Variants in NSMCE2 observed in about 807,000 individuals in gnomAD.
NSMCE2 encodes the protein NSE2 SUMO ligase component of SMC5/6 complex, also known as E3 SUMO-protein ligase NSE2.
A neutral mutation model predicts 23.8 loss-of-function variants in NSMCE2; 24 were observed. That is an observed-to-expected ratio of 1.01 (90% CI 0.73 to 1.42). The LOEUF (loss-of-function observed/expected upper bound fraction) is 1.42, where lower values mean the gene tolerates loss of function less well. NSMCE2 is among the 40% of genes most tolerant of loss of function. The probability of loss-of-function intolerance (pLI) is 0.00; values close to 1 mark genes in which losing one functional copy is unlikely to be tolerated. For missense variants in NSMCE2, 284 were observed against 296.5 expected (o/e 0.96, Z 0.31); for synonymous variants, 92 against 94.1 (o/e 0.98, Z 0.13).
rs182048746 is a variant in NSMCE2, at chr8:125,226,469, C to T, written c.418+44213C>T. ...CAGAAAGCGGAGAGGTGTACAGCTGCTCTTCTTGCACTGTACCCCTCATAT... is the reference window on the plus strand; with the variant it reads ...CAGAAAGCGGAGAGGTGTACAGCTGTTCTTCTTGCACTGTACCCCTCATAT... On this transcript the variant is annotated intron_variant, in intron 5 of 7. Coordinates refer to ENST00000287437, the MANE Select transcript of NSMCE2 (RefSeq NM_173685.4). 1.7e-3 allele frequency among the ~76,000 whole-genome samples: 253 copies of T among 152,150 alleles called. 6 individuals carry two copies. The highest frequency in any genetic ancestry group is 3.2e-4 in the Non-Finnish European group (22 of 67,986).
intron 5 of NSMCE2, among the ~76,000 whole-genome samples, chr8:125,276,189 A>G (rs189583630): frequency 1.3e-5 from 2 of 152,338 alleles, no homozygotes; most frequent in East Asian, 1.9e-4. Context: ...CAGCCCCTGT[A>G]CTGCCCAGGG....
At chr8:125,182,381 G>A in intron 5 of NSMCE2, 125 bp downstream of exon 5, 1 of 782,824 alleles carries the variant, frequency 1.3e-6, no homozygotes, top group Admixed American at 2.5e-5. Context: ...ATTCTAAGTT[G>A]CGTTTTATTG....
intron 5 of NSMCE2, among the ~76,000 whole-genome samples, chr8:125,317,198 CTTTT>C (rs879359907): frequency 7.0e-6 from 1 of 143,842 alleles, no homozygotes; most frequent in African/African-American, 2.5e-5. Flanking sequence ...TCCTAAAGAT[CTTTT>C]TTTTTTTTTA....
rs1822974166 is a variant in NSMCE2 at position 125,184,373 on chromosome 8, TGGAAAA to T, written c.418+2118_418+2123del. Among the ~76,000 whole-genome samples, 4 of 152,216 alleles carry T rather than the reference TGGAAAA, an allele frequency of 2.6e-5. No individual in the cohort carries two copies. The South Asian group carries it at 8.3e-4, about 32-fold the overall frequency. ...TTCTTAAATCTCTCTAAAATGGAGT[TGGAAAA>T]AGAAAGAAAATGTTTCCTCAGGCCA... On this transcript the variant is annotated intron_variant, in intron 5 of 7. Transcript: ENST00000287437.
intron 5 of NSMCE2, among the ~76,000 whole-genome samples, chr8:125,317,043 C>T (rs1033509434): frequency 6.6e-6 from 1 of 151,822 alleles, no homozygotes; most frequent in African/African-American, 2.4e-5. Context: ...CTGCCTTGGC[C>T]TCCCAAAGTG....
chr8:125,217,526 A>T (rs1824654042), intron 5 of NSMCE2, among the ~76,000 whole-genome samples: 1 of 151,806 alleles, frequency 6.6e-6, no homozygotes, highest in African/African-American at 2.4e-5. Flanking sequence ...ACACATGGCT[A>T]ATTTTGTTTT....
intron 5 of NSMCE2, among the ~76,000 whole-genome samples, chr8:125,334,015 C>T (rs1258040135): frequency 6.6e-6 from 1 of 152,140 alleles, no homozygotes; most frequent in Non-Finnish European, 1.5e-5. Flanking sequence ...GCTCCTGGGT[C>T]TGCCGTGGAC....
At chr8:125,309,619 G>A (rs1235051137) in intron 5 of NSMCE2, among the ~76,000 whole-genome samples, 1 of 152,124 alleles carries the variant, frequency 6.6e-6, no homozygotes, top group African/African-American at 2.4e-5. Context: ...CAGCTACTTA[G>A]GAGGCTGAGG....
At chr8:125,247,872 A>G (rs1044868191) in intron 5 of NSMCE2, among the ~76,000 whole-genome samples, 1 of 152,204 alleles carries the variant, frequency 6.6e-6, no homozygotes, top group Non-Finnish European at 1.5e-5. Context: ...CTCTAGAGTA[A>G]TAGAGTGCTA....
At chr8:125,292,596 T>G (rs1828153399) in intron 5 of NSMCE2, among the ~76,000 whole-genome samples, 1 of 152,052 alleles carries the variant, frequency 6.6e-6, no homozygotes, top group African/African-American at 2.4e-5. Context: ...AAGAAAATAT[T>G]GTAGAAAAGC....
At chr8:125,158,222 G>A (rs1029626346) in intron 4 of NSMCE2, among the ~76,000 whole-genome samples, 1 of 152,104 alleles carries the variant, frequency 6.6e-6, no homozygotes. Context: ...TCCAAAATGA[G>A]CCTTAAAGAT....
At chr8:125,231,768 A>G (rs751633709) in intron 5 of NSMCE2, among the ~76,000 whole-genome samples, 2 of 152,162 alleles carry the variant, frequency 1.3e-5, no homozygotes, top group African/African-American at 2.4e-5. Context: ...TTGGGAAAAC[A>G]CTTAACTGTA....
intron 5 of NSMCE2, among the ~76,000 whole-genome samples, chr8:125,187,821 A>G (rs1471488006): frequency 2.0e-5 from 3 of 152,222 alleles, no homozygotes; most frequent in African/African-American, 7.2e-5. Flanking sequence ...TTAATTTAAT[A>G]TGCAATATAA....
intron 1 of NSMCE2, among the ~76,000 whole-genome samples, chr8:125,095,607 A>T (rs1361958120): frequency 1.3e-5 from 2 of 151,602 alleles, no homozygotes; most frequent in Non-Finnish European, 2.9e-5. Context: ...ACAAAAAGAA[A>T]ACCGAGGCCA....
chr8:125,168,843 T>A (rs1423850216), intron 4 of NSMCE2, among the ~76,000 whole-genome samples: 5 of 152,250 alleles, frequency 3.3e-5, no homozygotes. Context: ...AAACAGAAGA[T>A]ATGTGGTAAT....
At chr8:125,318,364 C>T (rs958866731) in intron 5 of NSMCE2, among the ~76,000 whole-genome samples, 29 of 152,108 alleles carry the variant, frequency 1.9e-4, no homozygotes, top group African/African-American at 6.8e-4. Flanking sequence ...GATCGCGCCA[C>T]TGCACTTCAT....
intron 5 of NSMCE2, among the ~76,000 whole-genome samples, chr8:125,306,962 G>A (rs1828789380): frequency 6.6e-6 from 1 of 152,182 alleles, no homozygotes; most frequent in Admixed American, 6.5e-5. Flanking sequence ...GGCATATATA[G>A]AGTAAGCAAT....
chr8:125,185,332 A>C (rs1256585891), intron 5 of NSMCE2, among the ~76,000 whole-genome samples: 1 of 151,556 alleles, frequency 6.6e-6, no homozygotes, highest in Non-Finnish European at 1.5e-5. Context: ...TTTGAGACAG[A>C]GTCTCGCTTT....
At chr8:125,268,281 A>C (rs1454156959) in intron 5 of NSMCE2, among the ~76,000 whole-genome samples, 1 of 152,078 alleles carries the variant, frequency 6.6e-6, no homozygotes, top group Non-Finnish European at 1.5e-5. Context: ...ACATTTGGTT[A>C]GTGAAATTAG....
Sources: gnomAD v4.1 joint callset for allele counts (sites outside exome capture counted in the v4.1 genomes callset) on GRCh38, gnomAD v4.1.1 for gene constraint, MANE v1.5 for transcripts, NCBI Gene and HGNC (gene_info 2026-07-23, HGNC 2026-07-21) for gene names.